Variants in CAPN8 observed in about 807,000 individuals in gnomAD.
The protein encoded by CAPN8 is calpain-8.
In CAPN8, 87 loss-of-function variants were observed where a neutral mutation model predicts 80.9. The ratio of observed to expected loss-of-function variants is 1.07; its 90% confidence interval spans 0.90 to 1.28. The LOEUF is 1.28. Ranked by LOEUF, CAPN8 falls within the 50% of genes most tolerant of loss-of-function variation. The pLI is 0.00. For synonymous variants in CAPN8, 299 were observed against 273.8 expected, an observed-to-expected ratio of 1.09 and a Z score of -0.91; for missense variants, 757 against 702.0, an observed-to-expected ratio of 1.08 and a Z score of -0.89.
chr1:223,543,004 G>T, intron 20 of CAPN8, 104 bp downstream of exon 20: 1 of 1,291,014 alleles, frequency 7.7e-7, no homozygotes, highest in Non-Finnish European at 1.1e-6. Flanking sequence ...GTATTCACAT[G>T]GAACTAAGAC....
intron 2 of CAPN8, among the ~76,000 whole-genome samples, chr1:223,649,722 GCTAT>G (rs997865189): frequency 3.9e-5 from 6 of 152,212 alleles, no homozygotes; most frequent in Non-Finnish European, 7.3e-5. Flanking sequence ...TTGGATTTAG[GCTAT>G]CTGTGTTTTC....
At chr1:223,545,352 G>A in intron 16 of CAPN8, 53 bp from the exon 17 acceptor site, 1 of 1,550,278 alleles carries the variant, frequency 6.5e-7, no homozygotes, top group Non-Finnish European at 8.7e-7. Flanking sequence ...ATGCCTTATA[G>A]ATTTCTTTCT....
At position 223,545,233 on chromosome 1, in the gene CAPN8, G is replaced by T; in HGVS notation, c.1831C>A (p.Leu611Met). Residue 611 changes from leucine (L) to methionine (M), a missense_variant and splice_region_variant, in exon 17 of 21, where the codon CTG becomes ATG. Physicochemically the swap from Leu to Met is conservative, Grantham distance 15. Coordinates refer to ENST00000366872, the MANE Select transcript of CAPN8 (RefSeq NM_001143962.2). ...KTLWLKIQKYLEIYWETDYNH... is the reference protein window; with the variant it reads ...KTLWLKIQKYMEIYWETDYNH... The stretch of plus-strand genomic sequence containing the variant: ...GCCCAGAAGGAAAAGAGAGTTACCA[G>T]ATACTTCTGAATCTTCAGCCAGAGC... 1 of 1,551,704 alleles carries T rather than the reference G, an allele frequency of 6.4e-7. No homozygotes were observed. Among genetic ancestry groups the T allele is most frequent in the East Asian group, 2.4e-5 (1 of 40,922 alleles).
At chr1:223,553,980 C>A (rs1332909565) in intron 13 of CAPN8, 80 bp from the exon 14 acceptor site, 1 of 397,816 alleles carries the variant, frequency 2.5e-6, no homozygotes, top group African/African-American at 2.1e-5. Context: ...TTCATTCCTT[C>A]ATCCATTAGT....
chr1:223,545,821 C>A (rs1232396739), intron 16 of CAPN8, among the ~76,000 whole-genome samples: 1 of 98,580 alleles, frequency 1.0e-5, no homozygotes. Context: ...CACTCCACAA[C>A]TTTTTTTTTT....
rs992087677 is a variant in CAPN8, at chr1:223,549,364, T to C, written c.1718A>G (p.Asp573Gly). 4 of 1,551,588 alleles carry C rather than the reference T, an allele frequency of 2.6e-6. No individual in the cohort carries two copies. The African/African-American group carries it at 5.5e-5, about 21-fold the overall frequency. Residue 573 changes from aspartate (D) to glycine (G), a missense_variant, in exon 16 of 21, where the codon GAT (aspartate) becomes GGT (glycine). Coordinates refer to ENST00000366872, the MANE Select transcript of CAPN8 (RefSeq NM_001143962.2). ...AFSKRTDIKF[D>G]GFNINTCREM... ...CCTGCAAGTGTTGATGTTGAATCCA[T>C]CGAATTTTATGTCTGTTCCTAAAGA...
At position 223,628,758 on chromosome 1, in the gene CAPN8, G is replaced by A. The variant is rs775871497; in HGVS notation, c.330C>T (p.Ala110=). The part of the protein sequence containing the change: ...GGLGDCWLLA[A]IASLTLNEEL... ...CTTCATTCAGGGTCAGGGAGGCAATGGCAGCCAGAAGCCAGCAGTCACCTG... is the reference window on the plus strand; with the variant it reads ...CTTCATTCAGGGTCAGGGAGGCAATAGCAGCCAGAAGCCAGCAGTCACCTG... The change falls in exon 3 of 21, where the codon GCC becomes GCT. Residue 110 remains alanine, a synonymous_variant. Coordinates refer to ENST00000366872, the MANE Select transcript of CAPN8 (RefSeq NM_001143962.2). The A allele has an allele frequency of 2.4e-5, 38 of 1,554,570 alleles. No individual in the cohort carries two copies. In the South Asian group the frequency reaches 4.4e-4, roughly 18 times the overall value.
chr1:223,627,231 G>C (rs1657615291), intron 4 of CAPN8, 74 bp from the exon 5 acceptor site: 1 of 1,459,542 alleles, frequency 6.9e-7, no homozygotes, highest in African/African-American at 1.4e-5. Flanking sequence ...GACCGGGACA[G>C]TGCTAGGACA....
chr1:223,546,240 G>C (rs1406149707), intron 16 of CAPN8, among the ~76,000 whole-genome samples: 2 of 152,078 alleles, frequency 1.3e-5, no homozygotes, highest in Non-Finnish European at 2.9e-5. Context: ...GTATGTTACA[G>C]CACCAATGTT....
rs971549564 is a variant in CAPN8 at position 223,549,402 on chromosome 1, A to C, written c.1700-20T>G. 15 of 1,551,546 alleles carry C rather than the reference A, an allele frequency of 9.7e-6. No individual in the cohort carries two copies. Among genetic ancestry groups the C allele is most frequent in the Non-Finnish European group, 1.3e-5 (15 of 1,146,986 alleles). On this transcript the variant is annotated intron_variant, in intron 15 of 20. Transcript: ENST00000366872. ...CTGTTCCTAAAGATTTAAATAGAAA[A>C]GGGGAGTGGGAATCGGATCATTTGA... is the stretch of plus-strand genomic sequence containing the variant.
In CAPN8 at chr1:223,628,829, G is replaced by T. The variant is rs756241924; in HGVS notation, c.308-49C>A. 2.8e-6 allele frequency: 4 copies of T among 1,447,096 alleles called. No homozygotes were observed. The South Asian group carries it at 4.9e-5, about 18-fold the overall frequency. 89.6% of individuals were successfully genotyped at this position (1,447,096 alleles called of 1,614,324 possible). Reference sequence around the variant, plus strand: ...AGATTGGTCAGGCCCAGCCTGCAGGGGCCCTGCTTTCTCTGACCCTGTCCC... The same window carrying T: ...AGATTGGTCAGGCCCAGCCTGCAGGTGCCCTGCTTTCTCTGACCCTGTCCC... On this transcript the variant is annotated intron_variant, in intron 2 of 20. Coordinates refer to ENST00000366872, the MANE Select transcript of CAPN8 (RefSeq NM_001143962.2).
chr1:223,654,842 A>T (rs1470332614), intron 1 of CAPN8, among the ~76,000 whole-genome samples: 4 of 111,734 alleles, frequency 3.6e-5, no homozygotes, highest in East Asian at 2.6e-4. Context: ...CACCCGGCTA[A>T]TTTTTTTTTT....
intron 1 of CAPN8, among the ~76,000 whole-genome samples, chr1:223,658,871 A>G (rs974474924): frequency 6.6e-6 from 1 of 152,166 alleles, no homozygotes; most frequent in Non-Finnish European, 1.5e-5. Flanking sequence ...ACGATGCCCA[A>G]AGAACTTACC....
At chr1:223,647,059 G>T (rs1051293404) in intron 2 of CAPN8, among the ~76,000 whole-genome samples, 20 of 152,102 alleles carry the variant, frequency 1.3e-4, no homozygotes, top group African/African-American at 4.8e-4. Context: ...GGGGACTCAG[G>T]CTCACTGGCA....
chr1:223,634,682 T>C (rs1657865831), intron 2 of CAPN8, among the ~76,000 whole-genome samples: 1 of 152,148 alleles, frequency 6.6e-6, no homozygotes, highest in Non-Finnish European at 1.5e-5. Context: ...TGTCTTCCAG[T>C]TGTGTCCTCA....
Position 223,619,450 on chromosome 1 carries a change from C to T in CAPN8, c.978G>A (p.Met326Ile). ...ACTGCCTCACGAAATCTGAAAGTGACATCCTGGGGCAGAGGCACCAGAGGG... is the reference window on the plus strand; with the variant it reads ...ACTGCCTCACGAAATCTGAAAGTGATATCCTGGGGCAGAGGCACCAGAGGG... ...DKKVEDGEFW[M>I]SLSDFVRQFS... The change falls in exon 9 of 21, where the codon ATG (methionine) becomes ATA (isoleucine). Residue 326 changes from methionine to isoleucine, a missense_variant. Met to Ile is a conservative substitution (Grantham distance 10). Coordinates refer to ENST00000366872, the MANE Select transcript of CAPN8 (RefSeq NM_001143962.2). The T allele has an allele frequency of 6.4e-7, 1 of 1,551,486 alleles. No homozygotes were observed.
At chr1:223,647,123 G>A (rs758302807) in intron 2 of CAPN8, among the ~76,000 whole-genome samples, 1 of 152,156 alleles carries the variant, frequency 6.6e-6, no homozygotes, top group Non-Finnish European at 1.5e-5. Context: ...CTGAGTAGGT[G>A]ACACTGGAGA....
intron 6 of CAPN8, among the ~76,000 whole-genome samples, chr1:223,624,400 T>G (rs1657503380): frequency 6.6e-6 from 1 of 152,202 alleles, no homozygotes; most frequent in Admixed American, 6.5e-5. Flanking sequence ...TTATCATGTC[T>G]GTTCTTTTAA....
chr1:223,610,477 T>A (rs116735277), intron 11 of CAPN8, among the ~76,000 whole-genome samples: 20 of 152,250 alleles, frequency 1.3e-4, no homozygotes, highest in Admixed American at 5.9e-4. Context: ...AAGGCCTACA[T>A]GTCATGAGTT....
Sources: allele counts gnomAD v4.1 joint callset (sites outside exome capture counted in the v4.1 genomes callset), GRCh38; gene constraint gnomAD v4.1.1; transcripts MANE v1.5; gene names NCBI Gene and HGNC (gene_info 2026-07-23, HGNC 2026-07-21).